Variants in TNRC6C observed in about 807,000 individuals in gnomAD.
TNRC6C encodes trinucleotide repeat-containing gene 6C protein.
In TNRC6C, 20 loss-of-function variants were observed where a neutral mutation model predicts 153.7. That is an observed-to-expected ratio of 0.13 (90% confidence interval 0.09 to 0.19). The LOEUF is 0.19. Ranked by LOEUF, TNRC6C falls within the 10% of genes least tolerant of loss-of-function variation. TNRC6C has a pLI of 1.00. For synonymous variants in TNRC6C, 811 were observed against 841.4 expected, an observed-to-expected ratio of 0.96 and a Z score of 0.63; for missense variants, 1,987 against 2,172.0, an observed-to-expected ratio of 0.91 and a Z score of 1.69.
intron 15 of TNRC6C, chr17:78,093,403 C>T (rs2073427502): frequency 1.4e-6 from 1 of 692,114 alleles, no homozygotes; most frequent in African/African-American, 1.8e-5. Flanking sequence ...TATTCCAACC[C>T]TGTGTGAAAA....
At chr17:78,041,446 C>T (rs997442098) in intron 2 of TNRC6C, among the ~76,000 whole-genome samples, 1 of 152,192 alleles carries the variant, frequency 6.6e-6, no homozygotes, top group Non-Finnish European at 1.5e-5. Flanking sequence ...ATTTAATAGA[C>T]TCTTAACCTT....
chr17:78,046,223 C>T (rs2072407016), intron 2 of TNRC6C, among the ~76,000 whole-genome samples: 1 of 151,230 alleles, frequency 6.6e-6, no homozygotes. Context: ...ACTGTGTTGC[C>T]CAGGCTGGAG....
chr17:77,957,591 A>T (rs2070817763), upstream of TNRC6C, among the ~76,000 whole-genome samples: 1 of 152,252 alleles, frequency 6.6e-6, no homozygotes. Context: ...GGACACGTAG[A>T]CAGGGAATGG....
rs2073075762 is a variant in TNRC6C, at chr17:78,075,941, G to A, written c.3060+663G>A. ...AAGATCAACAATGGAAGGAGGCTGG[G>A]TGCGGTGGCTCACTCCTGTAATCCC... On this transcript the variant is annotated intron_variant, in intron 8 of 19. Coordinates refer to ENST00000301624, the Ensembl canonical transcript of TNRC6C. The surrounding 1 kb of genome is among the most constrained non-coding windows in gnomAD (Gnocchi z 4.2). Among the ~76,000 whole-genome samples the A allele has an allele frequency of 6.6e-6, 1 of 152,130 alleles. No individual in the cohort carries two copies. The highest frequency in any genetic ancestry group is 2.4e-5 in the African/African-American group (1 of 41,444).
At chr17:77,976,828 C>G (rs1441366389) in intron 1 of TNRC6C, among the ~76,000 whole-genome samples, 2 of 145,110 alleles carry the variant, frequency 1.4e-5, no homozygotes, top group African/African-American at 5.1e-5. Flanking sequence ...ATTGGGGAGG[C>G]TGAGGCAGGA....
At chr17:78,091,691 A>T in intron 14 of TNRC6C, 84 bp downstream of exon 16, 1 of 1,273,000 alleles carries the variant, frequency 7.9e-7, no homozygotes, top group African/African-American at 1.5e-5. Context: ...GCCATTCTAT[A>T]CTTTTCTAAG....
rs1461373395 is a variant in TNRC6C at position 78,079,560 on chromosome 17, C to T, written c.3357+19C>T. ...CCCTCAGGTCAGACCCACATCCAAG[C>T]AGGACTGAGCAACAGGATATAGATG... On this transcript the variant is annotated intron_variant, in intron 10 of 19. Transcript: ENST00000301624. This position sits in a 1 kb window ranked among gnomAD's most constrained non-coding sequence, Gnocchi z 4.3. 6 of 1,612,792 alleles carry T rather than the reference C, an allele frequency of 3.7e-6. No individual in the cohort carries two copies. Among genetic ancestry groups the T allele is most frequent in the Non-Finnish European group, 4.2e-6 (5 of 1,179,100 alleles).
intron 6 of TNRC6C, 41 bp downstream of exon 8, chr17:78,071,206 C>G: frequency 6.4e-7 from 1 of 1,552,178 alleles, no homozygotes; most frequent in Admixed American, 1.9e-5. Context: ...CCATGCTTCC[C>G]AAAATGAAAT....
At chr17:77,958,695 T>G (rs945600935), upstream of TNRC6C, among the ~76,000 whole-genome samples, 7 of 150,508 alleles carry the variant, frequency 4.7e-5, no homozygotes, top group Admixed American at 1.3e-4. Context: ...GGGAGGGGGG[T>G]TCTTGTCAGT....
At position 78,104,527 on chromosome 17, in the gene TNRC6C, T is replaced by C; in HGVS notation, c.4755T>C (p.Gly1585=). Residue 1585 remains glycine (G), a synonymous_variant, in exon 20 of 20, where the codon GGT becomes GGC. Coordinates refer to ENST00000301624, the Ensembl canonical transcript of TNRC6C. The surrounding 1 kb of genome is among the most constrained non-coding windows in gnomAD (Gnocchi z 6.2). ...CTACCATCCTGGCCGAGTTCGCTGG[T>C]GAAGAAGAAGTGAATCGCTTCTTAG... 6.5e-7 allele frequency: 1 copy of C among 1,535,082 alleles called. No individual in the cohort carries two copies. Among genetic ancestry groups the C allele is most frequent in the South Asian group, 1.2e-5 (1 of 81,786 alleles).
chr17:78,024,652 A>C (rs1598702648), intron 1 of TNRC6C, among the ~76,000 whole-genome samples: 1 of 152,038 alleles, frequency 6.6e-6, no homozygotes, highest in Non-Finnish European at 1.5e-5. Flanking sequence ...GGCGTGAGCC[A>C]CCGCGCCTGG....
In TNRC6C at chr17:78,079,371, G is replaced by A. The variant is rs368830939; in HGVS notation, c.3211-24G>A. The A allele has an allele frequency of 1.8e-4, 287 of 1,607,340 alleles. No homozygotes were observed. Among genetic ancestry groups the A allele is most frequent in the African/African-American group, 3.1e-4 (23 of 74,790 alleles). ...TTACTCTAATGCCTGCCTTGGTAAC[G>A]TGTTTAATTCTGTCCCTGTGCAGAT... On this transcript the variant is annotated intron_variant, in intron 9 of 19. Coordinates refer to ENST00000301624, the Ensembl canonical transcript of TNRC6C. The surrounding 1 kb of genome is among the most constrained non-coding windows in gnomAD (Gnocchi z 4.3).
At chr17:78,052,199 G>A (rs1184792064) in intron 3 of TNRC6C, among the ~76,000 whole-genome samples, 1 of 152,226 alleles carries the variant, frequency 6.6e-6, no homozygotes, top group Admixed American at 6.5e-5. Context: ...CTCTCTGGGA[G>A]TGTGAATACT....
In TNRC6C at chr17:78,082,981, A is replaced by G. The variant is rs1052881951; in HGVS notation, c.3358-66A>G. ...TTTAATCATTTTTGAATTTTGAAAA[A>G]CTACAGGTACAAGTAACTATTTTAA... is the stretch of plus-strand genomic sequence containing the variant. On this transcript the variant is annotated intron_variant, in intron 10 of 19. Coordinates refer to ENST00000301624, the Ensembl canonical transcript of TNRC6C. 5 of 1,567,984 alleles carry G rather than the reference A, an allele frequency of 3.2e-6. No individual in the cohort carries two copies. The Admixed American group carries it at 5.5e-5, about 17-fold the overall frequency.
Position 77,979,077 on chromosome 17 carries a change from A to C in TNRC6C, c.-38+19809A>C, listed in dbSNP as rs2044172. The stretch of plus-strand genomic sequence containing the variant: ...AGGAGATCTAGATATTAGGGTTATC[A>C]GACATGGACCTTAAGGTAATGTTGA... On this transcript the variant is annotated intron_variant, in intron 1 of 22. Coordinates refer to the TNRC6C transcript ENST00000636222. Among the ~76,000 whole-genome samples the C allele has an allele frequency of 1.0e-3, 152 of 152,338 alleles. 1 individual carries two copies. The highest frequency in any genetic ancestry group is 3.6e-3 in the African/African-American group (150 of 41,570).
intron 1 of TNRC6C, among the ~76,000 whole-genome samples, chr17:78,011,073 T>A (rs916713169): frequency 6.6e-6 from 1 of 152,236 alleles, no homozygotes; most frequent in East Asian, 1.9e-4. Flanking sequence ...ATAAAGGCAG[T>A]TTCTAAGTTT....
intron 1 of TNRC6C, among the ~76,000 whole-genome samples, chr17:77,999,065 T>G (rs1461765966): frequency 6.6e-6 from 1 of 152,178 alleles, no homozygotes; most frequent in Non-Finnish European, 1.5e-5. Context: ...ACATCGTAGT[T>G]CAGATCTCAC....
chr17:78,043,130 T>C (rs1421415812), intron 2 of TNRC6C, among the ~76,000 whole-genome samples: 2 of 152,020 alleles, frequency 1.3e-5, no homozygotes, highest in Non-Finnish European at 2.9e-5. Context: ...AGCTGAAGTA[T>C]GGAAAAAAAG....
intron 16 of TNRC6C, among the ~76,000 whole-genome samples, chr17:78,097,070 C>T (rs1376128009): frequency 6.6e-6 from 1 of 152,138 alleles, no homozygotes; most frequent in East Asian, 1.9e-4. Context: ...GAATCATGAG[C>T]CGGGTGTGGT....
Sources: gnomAD v4.1 joint callset for allele counts (sites outside exome capture counted in the v4.1 genomes callset) on GRCh38, gnomAD v4.1.1 for gene constraint, Gnocchi (gnomAD v3.1) non-coding constraint, MANE v1.5 for transcripts, NCBI Gene and HGNC (gene_info 2026-07-23, HGNC 2026-07-21) for gene names.